ATP13A4: variants seen among roughly 807,000 people sequenced by gnomAD.
The protein encoded by ATP13A4 is ATPase 13A4.
Under a neutral mutation model 142.5 loss-of-function variants are expected in ATP13A4, and 114 were observed. The observed-to-expected ratio is 0.80, with a 90% CI of 0.69 to 0.93. ATP13A4 has a LOEUF of 0.93. ATP13A4 is among the 40% of genes least tolerant of loss of function. The pLI, the probability that ATP13A4 is intolerant of heterozygous loss-of-function variation, is 0.00. For synonymous variants in ATP13A4, 488 were observed against 514.8 expected, an observed-to-expected ratio of 0.95 and a Z score of 0.70; for missense variants, 1,392 against 1,454.0, an observed-to-expected ratio of 0.96 and a Z score of 0.69.
intron 28 of ATP13A4, 40 bp from the exon 29 acceptor site, chr3:193,407,433 G>A (rs551498440): frequency 1.4e-5 from 21 of 1,489,056 alleles, no homozygotes; most frequent in Admixed American, 5.0e-5. Context: ...CTGAAGACAC[G>A]CAGATGCTGG....
chr3:193,451,653 T>C (rs1717286931), intron 17 of ATP13A4, among the ~76,000 whole-genome samples: 1 of 152,212 alleles, frequency 6.6e-6, no homozygotes, highest in Non-Finnish European at 1.5e-5. Flanking sequence ...AAGTGTAATA[T>C]ATAGAAAGCA....
intron 2 of ATP13A4, 110 bp from the exon 3 acceptor site, chr3:193,502,749 G>T: frequency 8.6e-7 from 1 of 1,165,794 alleles, no homozygotes; most frequent in Non-Finnish European, 1.3e-6. Flanking sequence ...TGGCGTTAGT[G>T]AATATTCTAG....
At chr3:193,559,684 T>C (rs1420915674), upstream of ATP13A4, among the ~76,000 whole-genome samples, 33 of 152,238 alleles carry the variant, frequency 2.2e-4, no homozygotes, top group Non-Finnish European at 1.5e-5. Context: ...CTGTCTCTGC[T>C]TCTCAGAGGA....
At chr3:193,451,202 A>G (rs1717255156) in intron 17 of ATP13A4, among the ~76,000 whole-genome samples, 1 of 152,092 alleles carries the variant, frequency 6.6e-6, no homozygotes, top group African/African-American at 2.4e-5. Flanking sequence ...AATCTTTCTC[A>G]TGGTCCTGGT....
At chr3:193,419,129 A>G (rs1348425519) in intron 25 of ATP13A4, 1 of 150,970 alleles carries the variant, frequency 6.6e-6, no homozygotes, top group Non-Finnish European at 1.5e-5. Flanking sequence ...TGTACGTTGC[A>G]TCCCAGAGAA....
chr3:193,506,954 C>T (rs1720893742), intron 2 of ATP13A4, among the ~76,000 whole-genome samples: 1 of 152,132 alleles, frequency 6.6e-6, no homozygotes, highest in Non-Finnish European at 1.5e-5. Flanking sequence ...TGAGAACAGA[C>T]TAACACATCT....
chr3:193,572,733 GA>G (rs1553862183), intron 2 of ATP13A4, among the ~76,000 whole-genome samples: 4 of 152,102 alleles, frequency 2.6e-5, no homozygotes, highest in Non-Finnish European at 5.9e-5. Context: ...ATGCACCGCT[GA>G]GTGGTCCCTG....
chr3:193,572,745 A>G (rs999882765), intron 2 of ATP13A4, among the ~76,000 whole-genome samples: 1 of 152,032 alleles, frequency 6.6e-6, no homozygotes, highest in African/African-American at 2.4e-5. Flanking sequence ...GTGGTCCCTG[A>G]AGACGTTAGT....
rs769424535 is a variant in ATP13A4, at chr3:193,470,848, T to C, written c.943+11A>G. 2.5e-6 allele frequency: 4 copies of C among 1,613,932 alleles called. No individual in the cohort carries two copies. Among genetic ancestry groups the C allele is most frequent in the Non-Finnish European group, 3.4e-6 (4 of 1,180,010 alleles). On this transcript the variant is annotated intron_variant, in intron 9 of 29. Coordinates refer to ENST00000342695, the MANE Select transcript of ATP13A4 (RefSeq NM_032279.4). Reference sequence around the variant, plus strand: ...CCACAGAGGTTGTCAGCTGTGGAGATGGAACTGTACCTGTCAGCATGCCTT... The same window carrying C: ...CCACAGAGGTTGTCAGCTGTGGAGACGGAACTGTACCTGTCAGCATGCCTT...
In ATP13A4 at chr3:193,459,219, A is replaced by G; in HGVS notation, c.1536T>C (p.Val512=). The G allele has an allele frequency of 6.2e-7, 1 of 1,614,228 alleles. No homozygotes were observed. The highest frequency in any genetic ancestry group is 1.3e-5 in the African/African-American group (1 of 75,066). The change falls in exon 14 of 30, where the codon GTT becomes GTC. Residue 512 remains valine (V), a synonymous_variant. Transcript: ENST00000342695. ...AAGCCTGGCCTGAGGCAAAGCTGTG[A>G]ACTTCCTGAAAGCTTAAGGAGAAAA... ...VSCDRNGFQE[V]HSFASGQALP... is the part of the protein sequence containing the mutation.
chr3:193,474,339 A>C (rs1718805186), intron 8 of ATP13A4, among the ~76,000 whole-genome samples: 1 of 148,738 alleles, frequency 6.7e-6, no homozygotes, highest in Non-Finnish European at 1.5e-5. Flanking sequence ...AAAAAAAAAA[A>C]AAAAAAAACA....
At chr3:193,590,284 A>C (rs1012371602) in intron 1 of ATP13A4, among the ~76,000 whole-genome samples, 3 of 152,140 alleles carry the variant, frequency 2.0e-5, no homozygotes, top group Middle Eastern at 3.2e-3. Flanking sequence ...AATAATAGGA[A>C]AACATTCCTT....
At chr3:193,549,752 T>C (rs1467576062) in intron 1 of ATP13A4, among the ~76,000 whole-genome samples, 3 of 152,090 alleles carry the variant, frequency 2.0e-5, no homozygotes, top group African/African-American at 7.2e-5. Flanking sequence ...GGATCACCTG[T>C]GCCTGGGAGG....
At position 193,470,799 on chromosome 3, in the gene ATP13A4, T is replaced by A; in HGVS notation, c.943+60A>T. On this transcript the variant is annotated intron_variant, in intron 9 of 29. Coordinates refer to ENST00000342695, the MANE Select transcript of ATP13A4 (RefSeq NM_032279.4). ...GGTAGAGGAGGAGGCGTAGGGACCA[T>A]AGCAGCGTGGAGTGTGGGCCAGCCC... The A allele has an allele frequency of 1.2e-6, 2 of 1,611,722 alleles. 1 individual carries two copies.
At chr3:193,582,930 C>CATATATAAAATATATATGTATATTACAT (rs1724594973) in intron 1 of ATP13A4, among the ~76,000 whole-genome samples, 9 of 57,994 alleles carry the variant, frequency 1.6e-4, no homozygotes, top group South Asian at 1.5e-3. Flanking sequence ...ATGTATATTA[C>CATATATAAAATATATATGTATATTACAT]ATATATAAAA....
intron 9 of ATP13A4, among the ~76,000 whole-genome samples, chr3:193,468,515 G>C (rs1718434847): frequency 6.6e-6 from 1 of 152,174 alleles, no homozygotes; most frequent in Non-Finnish European, 1.5e-5. Context: ...TTGGGAGGCA[G>C]AGACAGGCAG....
chr3:193,534,409 A>G (rs955217013), intron 1 of ATP13A4, among the ~76,000 whole-genome samples: 1 of 152,244 alleles, frequency 6.6e-6, no homozygotes, highest in Non-Finnish European at 1.5e-5. Flanking sequence ...ACACCAAGGT[A>G]ACAGAGAGAT....
intron 19 of ATP13A4, 89 bp downstream of exon 19, chr3:193,442,304 G>T: frequency 7.5e-7 from 1 of 1,331,654 alleles, no homozygotes; most frequent in Non-Finnish European, 1.1e-6. Flanking sequence ...ACATTTGGAA[G>T]CATATGTTGA....
At chr3:193,453,001 T>C (rs1319609621) in intron 17 of ATP13A4, among the ~76,000 whole-genome samples, 1 of 152,082 alleles carries the variant, frequency 6.6e-6, no homozygotes, top group Non-Finnish European at 1.5e-5. Context: ...ACAGTCACCT[T>C]ACTGGCGGCA....
Sources: gnomAD v4.1 joint callset for allele counts (sites outside exome capture counted in the v4.1 genomes callset) on GRCh38, gnomAD v4.1.1 for gene constraint, MANE v1.5 for transcripts, NCBI Gene and HGNC (gene_info 2026-07-23, HGNC 2026-07-21) for gene names.